The following MYO9B variants were observed in gnomAD, a reference collection of about 807,000 sequenced individuals.
MYO9B encodes the protein myosin IXB.
A neutral mutation model predicts 229.5 loss-of-function variants in MYO9B; 71 were observed. The observed-to-expected ratio is 0.31, with a 90% CI of 0.26 to 0.38. The LOEUF is 0.38. MYO9B is among the 10% of genes least tolerant of loss of function. MYO9B has a pLI of 1.00. For missense variants in MYO9B, 2,255 were observed against 2,920.5 expected (o/e 0.77, Z 5.25); for synonymous variants, 1,185 against 1,235.8 (o/e 0.96, Z 0.86).
chr19:17,198,955 CTT>C (rs1044869277), intron 24 of MYO9B, among the ~76,000 whole-genome samples: 20 of 152,248 alleles, frequency 1.3e-4, no homozygotes, highest in African/African-American at 4.3e-4. Flanking sequence ...AATCTCAACA[CTT>C]TGGGAGGCCA....
rs1568302957 is a variant in MYO9B, at chr19:17,206,396, G to GGGTGGCAGCA, written c.5386+27_5386+36dup. On this transcript the variant is annotated intron_variant, in intron 33 of 39. Transcript: ENST00000682292. Reference sequence around the variant, plus strand: ...CCGTCGGTGAGCCCCATGGCGGTGCGGGTGGCAGCAGGTGGCCACAGCCAG... The same window carrying GGGTGGCAGCA: ...CCGTCGGTGAGCCCCATGGCGGTGCGGGTGGCAGCAGGTGGCAGCAGGTGGCCACAGCCAG... 4.4e-6 allele frequency: 7 copies of GGGTGGCAGCA among 1,605,480 alleles called. No individual in the cohort carries two copies. Among genetic ancestry groups the GGGTGGCAGCA allele is most frequent in the African/African-American group, 4.0e-5 (3 of 74,998 alleles).
intron 3 of MYO9B, among the ~76,000 whole-genome samples, chr19:17,150,213 C>T (rs1035856563): frequency 8.5e-5 from 13 of 152,114 alleles, no homozygotes; most frequent in African/African-American, 2.9e-4. Context: ...AGTTCAAGAC[C>T]AGCCTGGCCA....
intron 14 of MYO9B, among the ~76,000 whole-genome samples, chr19:17,179,904 AAAAAT>A (rs2072836843): frequency 6.7e-6 from 1 of 150,050 alleles, no homozygotes; most frequent in Non-Finnish European, 1.5e-5. Flanking sequence ...GTTTCCAAAA[AAAAAT>A]AAAATAAAAA....
At chr19:17,198,518 T>C (rs1286266498) in intron 24 of MYO9B, among the ~76,000 whole-genome samples, 1 of 152,082 alleles carries the variant, frequency 6.6e-6, no homozygotes, top group Non-Finnish European at 1.5e-5. Context: ...GTGGATCACT[T>C]GAGGTCAGGA....
At chr19:17,199,580 C>G (rs2073083634) in intron 24 of MYO9B, among the ~76,000 whole-genome samples, 1 of 151,776 alleles carries the variant, frequency 6.6e-6, no homozygotes, top group Non-Finnish European at 1.5e-5. Flanking sequence ...ATGGCTCAAT[C>G]TCCGCTCACT....
intron 2 of MYO9B, among the ~76,000 whole-genome samples, chr19:17,111,357 T>C (rs1432220964): frequency 1.3e-5 from 2 of 152,250 alleles, no homozygotes; most frequent in African/African-American, 4.8e-5. Context: ...TATGGAGATA[T>C]AATTTACCTA....
intron 2 of MYO9B, among the ~76,000 whole-genome samples, chr19:17,117,273 G>C (rs1009274729): frequency 6.6e-6 from 1 of 152,206 alleles, no homozygotes; most frequent in Non-Finnish European, 1.5e-5. Flanking sequence ...ATCCAGGATA[G>C]ATCCGATTTC....
rs754120844 is a variant in MYO9B, at chr19:17,172,484, G to A, written c.1935+7G>A. 1.4e-5 allele frequency: 22 copies of A among 1,612,962 alleles called. No homozygotes were observed. Among genetic ancestry groups the A allele is most frequent in the East Asian group, 8.9e-5 (4 of 44,884 alleles). On this transcript the variant is annotated splice_region_variant and intron_variant, in intron 12 of 39. Transcript: ENST00000682292. The surrounding 1 kb of genome is among the most constrained non-coding windows in gnomAD (Gnocchi z 8.2). ...GGTGAAATATCAGATCAAGGTAGGT[G>A]TCTGCCCATCACCACTGGTGGAAGC...
At chr19:17,160,289 C>T (rs776326409) in intron 8 of MYO9B, among the ~76,000 whole-genome samples, 8 of 152,090 alleles carry the variant, frequency 5.3e-5, no homozygotes, top group Non-Finnish European at 8.8e-5. Context: ...ACCCGAGCAG[C>T]ACTGGTGTCC....
At chr19:17,208,981 G>A (rs1488101696) in intron 35 of MYO9B, among the ~76,000 whole-genome samples, 1 of 150,082 alleles carries the variant, frequency 6.7e-6, no homozygotes, top group Non-Finnish European at 1.5e-5. Context: ...TGAACACTCC[G>A]GGCTGAGTCC....
intron 1 of MYO9B, among the ~76,000 whole-genome samples, chr19:17,088,067 T>C (rs1184587330): frequency 1.3e-5 from 2 of 152,058 alleles, no homozygotes; most frequent in East Asian, 3.9e-4. Flanking sequence ...ACCACCGCAC[T>C]CCAGCCTGGG....
chr19:17,140,737 C>T (rs1237906135), intron 2 of MYO9B, among the ~76,000 whole-genome samples: 3 of 151,414 alleles, frequency 2.0e-5, no homozygotes, highest in Admixed American at 6.6e-5. Flanking sequence ...ATCCGCCTGC[C>T]TCGGCCTCCC....
chr19:17,173,523 C>G (rs896194236), intron 13 of MYO9B, among the ~76,000 whole-genome samples: 1 of 151,914 alleles, frequency 6.6e-6, no homozygotes, highest in African/African-American at 2.4e-5. Context: ...AGGCTGGTCT[C>G]GAACTCCTGA....
chr19:17,125,102 C>A (rs1349317354), intron 2 of MYO9B, among the ~76,000 whole-genome samples: 2 of 152,108 alleles, frequency 1.3e-5, no homozygotes, highest in Non-Finnish European at 1.5e-5. Context: ...GAGTTCGAGA[C>A]CAGCCTGGGC....
Position 17,172,869 on chromosome 19 carries a change from G to C in MYO9B, c.2046G>C (p.Val682=), listed in dbSNP as rs767445856. The change falls in exon 13 of 40, where the codon GTG becomes GTC. Residue 682 remains valine (V), a synonymous_variant. Transcript: ENST00000682292. This position sits in a 1 kb window ranked among gnomAD's most constrained non-coding sequence, Gnocchi z 8.2. ...RELIGMDPVA[V]FRWAVLRAAI... is the part of the protein sequence containing the mutation. ...TCATCGGCATGGACCCCGTGGCCGT[G>C]TTCCGCTGGGCCGTGCTCCGGGCTG... 1.9e-6 allele frequency: 3 copies of C among 1,607,348 alleles called. No individual in the cohort carries two copies. The South Asian group carries it at 3.3e-5, about 18-fold the overall frequency.
chr19:17,084,737 A>AAC (rs752861592), intron 1 of MYO9B, among the ~76,000 whole-genome samples: 17 of 151,462 alleles, frequency 1.1e-4, no homozygotes, highest in Admixed American at 5.3e-4. Flanking sequence ...AAAAAAGAAA[A>AAC]ACACACACAC....
intron 2 of MYO9B, among the ~76,000 whole-genome samples, chr19:17,136,576 G>A (rs916284010): frequency 2.6e-4 from 40 of 152,014 alleles, no homozygotes; most frequent in African/African-American, 9.7e-4. Flanking sequence ...GATCTCTGGG[G>A]ACATTCTTTG....
chr19:17,138,066 A>G (rs536535402), intron 2 of MYO9B, among the ~76,000 whole-genome samples: 54 of 151,792 alleles, frequency 3.6e-4, no homozygotes, highest in African/African-American at 1.3e-3. Context: ...CCTACCCCCT[A>G]CAGGCCCTGG....
chr19:17,113,953 C>A (rs1426121598), intron 2 of MYO9B, among the ~76,000 whole-genome samples: 3 of 152,126 alleles, frequency 2.0e-5, no homozygotes, highest in Non-Finnish European at 2.9e-5. Flanking sequence ...CCCAAGTTCC[C>A]AACCCCTGCC....
Sources: allele counts gnomAD v4.1 joint callset (sites outside exome capture counted in the v4.1 genomes callset), GRCh38; gene constraint gnomAD v4.1.1; non-coding constraint Gnocchi (gnomAD v3.1); transcripts MANE v1.5; gene names NCBI Gene and HGNC (gene_info 2026-07-23, HGNC 2026-07-21).